Variants in HDAC8 observed in about 807,000 individuals in gnomAD.
HDAC8 encodes the protein histone deacetylase 8.
In HDAC8, 1 loss-of-function variant was observed where a neutral mutation model predicts 32.2. The ratio of observed to expected loss-of-function variants is 0.03; its 90% CI spans 0.01 to 0.15. The LOEUF (loss-of-function observed/expected upper bound fraction) is 0.15. HDAC8 is among the 10% of genes least tolerant of loss of function. HDAC8 has a pLI of 1.00. For missense variants in HDAC8, 117 were observed against 300.0 expected (o/e 0.39, Z 4.51); for synonymous variants, 108 against 113.9 (o/e 0.95, Z 0.33).
chrX:72,441,382 A>C (rs1555981739), intron 9 of HDAC8, among the ~76,000 whole-genome samples: 1 of 111,862 alleles, frequency 8.9e-6, no homozygotes, highest in Non-Finnish European at 1.9e-5. Flanking sequence ...GGTTCACGAA[A>C]ATCCACTCTT....
At chrX:72,340,572 T>G (rs2043862060) in intron 10 of HDAC8, among the ~76,000 whole-genome samples, 1 of 109,463 alleles carries the variant, frequency 9.1e-6, no homozygotes, top group Non-Finnish European at 1.9e-5. Context: ...ACAAAAAACC[T>G]AAATGCTAAT....
Position 72,557,512 on chromosome X carries a change from T to G in HDAC8, c.437+10377A>C, listed in dbSNP as rs184889774. On this transcript the variant is annotated intron_variant, in intron 4 of 10. Coordinates refer to ENST00000373573, the MANE Select transcript of HDAC8 (RefSeq NM_018486.3). ...TGAAATCAAGACAAAAGTTAAAAAA[T>G]TCTTTGAACAGAACGATAATAGTGA... Among the ~76,000 whole-genome samples the G allele has an allele frequency of 6.4e-4, 72 of 111,665 alleles. 1 individual carries two copies. Among genetic ancestry groups the G allele is most frequent in the Admixed American group, 1.9e-4 (2 of 10,555 alleles).
intron 9 of HDAC8, among the ~76,000 whole-genome samples, chrX:72,355,861 T>C (rs2044334562): frequency 8.9e-6 from 1 of 112,265 alleles, no homozygotes; most frequent in East Asian, 2.8e-4. Context: ...TGCTTCAACA[T>C]TTAGTAAGTA....
rs368194422 is a variant in HDAC8 at position 72,523,951 on chromosome X, C to T, written c.438-28683G>A. On this transcript the variant is annotated intron_variant, in intron 4 of 10. Coordinates refer to ENST00000373573, the MANE Select transcript of HDAC8 (RefSeq NM_018486.3). Reference sequence around the variant, plus strand: ...ACCAGGTAGGACTATATTCTGTATACCATACACATCAGGGGTAGGCAAACT... The same window carrying T: ...ACCAGGTAGGACTATATTCTGTATATCATACACATCAGGGGTAGGCAAACT... 4.5e-5 allele frequency among the ~76,000 whole-genome samples: 5 copies of T among 111,577 alleles called. No individual in the cohort carries two copies. The East Asian group carries it at 8.5e-4, about 19-fold the overall frequency.
rs2048851993 is a variant in HDAC8, at chrX:72,490,966, G to A, written c.591C>T (p.Thr197=). 4 of 1,207,028 alleles carry A rather than the reference G, an allele frequency of 3.3e-6. No homozygotes were observed. The highest frequency in any genetic ancestry group is 4.5e-6 in the Non-Finnish European group (4 of 891,722). ...CTGGGGAGAATTTGTGCAGGGACAC[G>A]GTCATGACTTTGGAGGTGAAACTGA... ...DAFSFTSKVM[T]VSLHKFSPGF... Residue 197 remains threonine (T), a synonymous_variant, in exon 6 of 11, where the codon ACC becomes ACT. Coordinates refer to ENST00000373573, the MANE Select transcript of HDAC8 (RefSeq NM_018486.3).
chrX:72,531,705 A>G (rs2050345036), intron 4 of HDAC8, among the ~76,000 whole-genome samples: 1 of 112,068 alleles, frequency 8.9e-6, no homozygotes, highest in Non-Finnish European at 1.9e-5. Context: ...TATTTCATAC[A>G]AATGGAATAT....
At chrX:72,400,137 C>G (rs186556085) in intron 9 of HDAC8, among the ~76,000 whole-genome samples, 1 of 111,687 alleles carries the variant, frequency 9.0e-6, no homozygotes, top group Admixed American at 9.5e-5. Context: ...GCTAGTTCTT[C>G]CTCATTTCTC....
intron 8 of HDAC8, among the ~76,000 whole-genome samples, chrX:72,463,918 C>T (rs1178364049): frequency 8.9e-6 from 1 of 112,150 alleles, no homozygotes; most frequent in Non-Finnish European, 1.9e-5. Context: ...AGCAAGGCAT[C>T]TTTAAAGGTG....
intron 9 of HDAC8, among the ~76,000 whole-genome samples, chrX:72,368,199 G>A (rs919539582): frequency 3.6e-5 from 4 of 111,357 alleles, no homozygotes; most frequent in Non-Finnish European, 5.7e-5. Flanking sequence ...CTGCCTTTCC[G>A]TTCACCATTC....
intron 7 of HDAC8, among the ~76,000 whole-genome samples, chrX:72,486,647 A>C (rs1364379251): frequency 8.9e-6 from 1 of 111,878 alleles, no homozygotes; most frequent in Non-Finnish European, 1.9e-5. Context: ...ATTGCACTCC[A>C]GCCTGGGCAA....
intron 10 of HDAC8, among the ~76,000 whole-genome samples, chrX:72,334,553 G>A (rs2043625443): frequency 9.0e-6 from 1 of 111,480 alleles, no homozygotes; most frequent in African/African-American, 3.3e-5. Context: ...AGTCCTGTCG[G>A]CCCCATGGGA....
At chrX:72,415,928 T>A (rs1319030823) in intron 9 of HDAC8, among the ~76,000 whole-genome samples, 1 of 111,758 alleles carries the variant, frequency 8.9e-6, no homozygotes, top group African/African-American at 3.2e-5. Context: ...TTTTTTATGC[T>A]TCTGAGATGC....
chrX:72,388,763 T>C (rs1047067132), intron 9 of HDAC8, among the ~76,000 whole-genome samples: 6 of 111,057 alleles, frequency 5.4e-5, no homozygotes, highest in Admixed American at 1.9e-4. Context: ...AGGGGGTAGC[T>C]GATCTGATAA....
At chrX:72,557,944 CTACTAAGAACACT>C (rs1369669860) in intron 4 of HDAC8, among the ~76,000 whole-genome samples, 1 of 111,654 alleles carries the variant, frequency 9.0e-6, no homozygotes, top group East Asian at 2.8e-4. Flanking sequence ...TTATTCAATG[CTACTAAGAACACT>C]TACGTGCACA....
At chrX:72,472,132 A>G (rs2048201200) in intron 7 of HDAC8, among the ~76,000 whole-genome samples, 1 of 102,198 alleles carries the variant, frequency 9.8e-6, no homozygotes, top group African/African-American at 3.6e-5. Context: ...CAGTGGCGGG[A>G]TCTCGGCTCA....
intron 10 of HDAC8, among the ~76,000 whole-genome samples, chrX:72,331,156 A>C (rs782049379): frequency 3.2e-4 from 35 of 109,755 alleles, no homozygotes; most frequent in Non-Finnish European, 5.3e-4. Context: ...CATGCTGGCC[A>C]GGATGGTCTC....
chrX:72,529,372 A>G (rs2050257797), intron 4 of HDAC8, among the ~76,000 whole-genome samples: 1 of 111,996 alleles, frequency 8.9e-6, no homozygotes, highest in African/African-American at 3.2e-5. Context: ...TTGACATGGA[A>G]GAGAAGGAAG....
chrX:72,349,228 G>A (rs1361965181), intron 10 of HDAC8, among the ~76,000 whole-genome samples: 2 of 112,137 alleles, frequency 1.8e-5, no homozygotes, highest in African/African-American at 6.5e-5. Context: ...TCTCCAAAAG[G>A]TTCCAGCACC....
At chrX:72,383,581 G>A (rs2045325880) in intron 9 of HDAC8, among the ~76,000 whole-genome samples, 1 of 111,723 alleles carries the variant, frequency 9.0e-6, no homozygotes, top group Non-Finnish European at 1.9e-5. Context: ...TTATTAACAG[G>A]TAGTTTTGGC....
Sources: allele counts gnomAD v4.1 joint callset (sites outside exome capture counted in the v4.1 genomes callset), GRCh38; gene constraint gnomAD v4.1.1; transcripts MANE v1.5; gene names NCBI Gene and HGNC (gene_info 2026-07-23, HGNC 2026-07-21).